The following PTPN2 variants were observed in gnomAD, a reference collection of about 807,000 sequenced individuals.
PTPN2 encodes tyrosine-protein phosphatase non-receptor type 2.
A neutral mutation model predicts 57.3 loss-of-function variants in PTPN2; 19 were observed. The ratio of observed to expected loss-of-function variants is 0.33; its 90% CI spans 0.23 to 0.49. The LOEUF is 0.49. Ranked by LOEUF, PTPN2 falls within the 20% of genes least tolerant of loss-of-function variation. PTPN2 has a pLI of 0.99. For missense variants in PTPN2, 358 were observed against 501.1 expected (o/e 0.71, Z 2.73); for synonymous variants, 153 against 164.9 (o/e 0.93, Z 0.55).
intron 7 of PTPN2, among the ~76,000 whole-genome samples, chr18:12,808,563 G>A (rs2041776577): frequency 6.6e-6 from 1 of 152,162 alleles, no homozygotes; most frequent in African/African-American, 2.4e-5. Context: ...GGTGGATCAA[G>A]AGGTCAGGAG....
chr18:12,865,561 G>A (rs886682482), intron 1 of PTPN2, among the ~76,000 whole-genome samples: 1 of 151,884 alleles, frequency 6.6e-6, no homozygotes. Context: ...TGGTCAACAC[G>A]GTGAAACCCT....
rs1275973861 is a variant in PTPN2, at chr18:12,884,200, G to T, written c.-59C>A. 5 of 1,406,726 alleles carry T rather than the reference G, an allele frequency of 3.6e-6. No homozygotes were observed. Among genetic ancestry groups the T allele is most frequent in the Non-Finnish European group, 4.8e-6 (5 of 1,041,756 alleles). The allele number at this position is 1,406,726 out of a possible 1,614,324, so 87.1% of individuals were successfully genotyped here. ...GCGCCGGCGGAGAGGCTCAGGCCCC[G>T]CACGATCCGGGGAGAGCGCTGGCGC... On this transcript the variant is annotated 5_prime_UTR_variant, in exon 1 of 9. An upstream open reading frame in the 5' UTR gains an earlier in-frame stop. Coordinates refer to ENST00000309660, the MANE Select transcript of PTPN2 (RefSeq NM_002828.4).
At chr18:12,805,650 T>C (rs1328584960) in intron 7 of PTPN2, among the ~76,000 whole-genome samples, 2 of 150,464 alleles carry the variant, frequency 1.3e-5, no homozygotes, top group Non-Finnish European at 3.0e-5. Flanking sequence ...TTTTTTTTTT[T>C]TTTTTTTGAG....
At chr18:12,838,046 T>C (rs956928614) in intron 2 of PTPN2, among the ~76,000 whole-genome samples, 4 of 152,124 alleles carry the variant, frequency 2.6e-5, no homozygotes, top group East Asian at 1.9e-4. Context: ...TGTTATATTA[T>C]GTAAAATAGT....
chr18:12,860,757 G>C (rs1015274788), intron 1 of PTPN2, among the ~76,000 whole-genome samples: 18 of 150,400 alleles, frequency 1.2e-4, no homozygotes, highest in Admixed American at 2.0e-4. Flanking sequence ...CTCATCCTAG[G>C]CGCCTTCGGG....
At chr18:12,870,364 TGTATATATAC>T (rs2044179475) in intron 1 of PTPN2, among the ~76,000 whole-genome samples, 3 of 34,634 alleles carry the variant, frequency 8.7e-5, no homozygotes, top group South Asian at 1.3e-3. Context: ...TATATATATG[TGTATATATAC>T]ATATATATAC....
At chr18:12,862,343 G>A (rs1413528523) in intron 1 of PTPN2, 2 of 152,072 alleles carry the variant, frequency 1.3e-5, no homozygotes, top group African/African-American at 4.8e-5. Flanking sequence ...ATTTCTAGTA[G>A]GGACGGAGTT....
At chr18:12,870,439 G>GTATATATATACGTATATATATA (rs1203995158) in intron 1 of PTPN2, among the ~76,000 whole-genome samples, 1 of 30,370 alleles carries the variant, frequency 3.3e-5, no homozygotes, top group African/African-American at 3.2e-4. Flanking sequence ...ATATATATAT[G>GTATATATATACGTATATATATA]TGTATATATA....
Position 12,793,053 on chromosome 18 carries a change from G to C in PTPN2, c.*1225C>G. Reference sequence around the variant, plus strand: ...ATAGTTTGAAAACCACTGAAATAAGGTATGCTATCCATAATAATGTATGCT... The same window carrying C: ...ATAGTTTGAAAACCACTGAAATAAGCTATGCTATCCATAATAATGTATGCT... On this transcript the variant is annotated 3_prime_UTR_variant, in exon 9 of 9. Coordinates refer to ENST00000309660, the MANE Select transcript of PTPN2 (RefSeq NM_002828.4). The C allele has an allele frequency of 1.0e-6, 1 of 985,342 alleles. No individual in the cohort carries two copies. The highest frequency in any genetic ancestry group is 1.7e-5 in the African/African-American group (1 of 57,344). 61.0% of individuals were successfully genotyped at this position (985,342 alleles called of 1,614,324 possible).
intron 2 of PTPN2, among the ~76,000 whole-genome samples, chr18:12,841,966 G>C (rs2043060081): frequency 6.6e-6 from 1 of 150,786 alleles, no homozygotes; most frequent in Non-Finnish European, 1.5e-5. Context: ...GAGTGCAATG[G>C]TGCGATCTCA....
At chr18:12,808,530 C>G (rs866536527) in intron 7 of PTPN2, among the ~76,000 whole-genome samples, 27 of 152,214 alleles carry the variant, frequency 1.8e-4, no homozygotes, top group Admixed American at 3.3e-4. Context: ...CCTGTAATCC[C>G]AACACTTTGG....
intron 2 of PTPN2, among the ~76,000 whole-genome samples, chr18:12,851,746 C>A (rs1202147505): frequency 6.6e-6 from 1 of 152,158 alleles, no homozygotes; most frequent in Non-Finnish European, 1.5e-5. Context: ...GAAGTTTTCC[C>A]TTCCTTCTTC....
rs1288874105 is a variant in PTPN2 at position 12,802,011 on chromosome 18, A to G, written c.999T>C (p.Leu333=). ...CCATTGTATCTTGCATTTTAGAGGA[A>G]AGTCCTGTACATCGGTCACCTGTCA... ...EKLTGDRCTG[L]SSKMQDTMEE... The change falls in exon 8 of 9, where the codon CTT becomes CTC. Residue 333 remains leucine, a synonymous_variant. Coordinates refer to ENST00000309660, the MANE Select transcript of PTPN2 (RefSeq NM_002828.4). 4 of 1,610,658 alleles carry G rather than the reference A, an allele frequency of 2.5e-6. No homozygotes were observed. In the African/African-American group the frequency reaches 5.3e-5, roughly 22 times the overall value.
chr18:12,856,187 T>C lies in PTPN2; in HGVS notation c.160+2977A>G, dbSNP rs142929003. Among the ~76,000 whole-genome samples, 84 of 152,084 alleles carry C rather than the reference T, an allele frequency of 5.5e-4. 1 individual carries two copies. Among genetic ancestry groups the C allele is most frequent in the African/African-American group, 1.9e-3 (78 of 41,476 alleles). ...GATGAGGAAGGTGGGAAGGAGAGGG[T>C]AAGGAGAAAGACAGTGAATGACTGA... is the stretch of plus-strand genomic sequence containing the variant. On this transcript the variant is annotated intron_variant, in intron 2 of 8. Coordinates refer to ENST00000309660, the MANE Select transcript of PTPN2 (RefSeq NM_002828.4).
intron 8 of PTPN2, among the ~76,000 whole-genome samples, chr18:12,797,626 G>C (rs965317005): frequency 3.3e-5 from 5 of 152,138 alleles, no homozygotes; most frequent in African/African-American, 1.2e-4. Flanking sequence ...GACTACTCTC[G>C]ATTTGTGATA....
intron 7 of PTPN2, 51 bp downstream of exon 7, chr18:12,814,152 G>T: frequency 1.5e-6 from 2 of 1,307,694 alleles, no homozygotes; most frequent in Non-Finnish European, 2.2e-6. Flanking sequence ...GTTATTTGAT[G>T]CTATGTGTAT....
At chr18:12,836,270 A>T (rs2042862929) in intron 3 of PTPN2, among the ~76,000 whole-genome samples, 1 of 152,258 alleles carries the variant, frequency 6.6e-6, no homozygotes, top group South Asian at 2.1e-4. Context: ...GCTCAGAGGC[A>T]ACTGGGCAGA....
At chr18:12,862,851 T>C (rs1414269670) in intron 1 of PTPN2, 2 of 152,024 alleles carry the variant, frequency 1.3e-5, no homozygotes, top group East Asian at 3.9e-4. Context: ...ATGAGAAACA[T>C]AAACTCCTGG....
In PTPN2 at chr18:12,806,379, T is replaced by C. The variant is rs151048694; in HGVS notation, c.859-4228A>G. 2.2e-4 allele frequency among the ~76,000 whole-genome samples: 33 copies of C among 152,240 alleles called. 1 individual carries two copies. The highest frequency in any genetic ancestry group is 7.9e-4 in the African/African-American group (33 of 41,546). On this transcript the variant is annotated intron_variant, in intron 7 of 8. Coordinates refer to ENST00000309660, the MANE Select transcript of PTPN2 (RefSeq NM_002828.4). ...ATACTGTTAAAATGTCCATACTACA[T>C]AAAGTGATCTACAGATTCAATGCAA...
Sources: gnomAD v4.1 joint callset for allele counts (sites outside exome capture counted in the v4.1 genomes callset) on GRCh38, gnomAD v4.1.1 for gene constraint, MANE v1.5 for transcripts, NCBI Gene and HGNC (gene_info 2026-07-23, HGNC 2026-07-21) for gene names.